Variants in CNTN6 observed in about 807,000 individuals in gnomAD.
The protein encoded by CNTN6 is contactin 6.
In CNTN6, 137 loss-of-function variants were observed where a neutral mutation model predicts 122.8. The observed-to-expected ratio is 1.12, with a 90% CI of 0.97 to 1.29. The LOEUF is 1.29. CNTN6 is among the 50% of genes most tolerant of loss of function. The pLI, the probability that CNTN6 is intolerant of heterozygous loss-of-function variation, is 0.00. For missense variants in CNTN6, 1,634 were observed against 1,223.4 expected, an observed-to-expected ratio of 1.34 and a Z score of -5.01; for synonymous variants, 570 against 426.0, an observed-to-expected ratio of 1.34 and a Z score of -4.16.
At chr3:1,184,705 AAATT>A (rs1559474041) in intron 2 of CNTN6, among the ~76,000 whole-genome samples, 2 of 152,170 alleles carry the variant, frequency 1.3e-5, no homozygotes, top group Non-Finnish European at 2.9e-5. Context: ...GGACATCTGA[AAATT>A]AATAATAACT....
chr3:1,287,335 T>C (rs139170060), intron 5 of CNTN6, among the ~76,000 whole-genome samples: 2 of 152,158 alleles, frequency 1.3e-5, no homozygotes, highest in African/African-American at 2.4e-5. Context: ...CCTCCTCCAA[T>C]TGTGGGAAAA....
At chr3:1,401,600 CAT>C (rs1695717876) in intron 21 of CNTN6, 55 bp downstream of exon 21, 2 of 1,188,360 alleles carry the variant, frequency 1.7e-6, no homozygotes, top group African/African-American at 3.1e-5. Flanking sequence ...AGGAATGAAA[CAT>C]GTGACACCCA....
chr3:1,280,735 G>A (rs9832247), intron 5 of CNTN6, among the ~76,000 whole-genome samples: 3,919 of 151,986 alleles, frequency 0.026, 181 homozygotes, highest in African/African-American at 0.09. Flanking sequence ...AAAGTGCTGG[G>A]ATTACAGGCA....
chr3:1,270,544 C>G (rs969889113), intron 4 of CNTN6, among the ~76,000 whole-genome samples: 1 of 151,964 alleles, frequency 6.6e-6, no homozygotes, highest in African/African-American at 2.4e-5. Flanking sequence ...TGCCGTAGGC[C>G]AAAACAAAAT....
At chr3:1,190,737 T>C (rs1055514893) in intron 2 of CNTN6, among the ~76,000 whole-genome samples, 5 of 152,182 alleles carry the variant, frequency 3.3e-5, no homozygotes, top group Admixed American at 6.5e-5. Flanking sequence ...CTATAAAATA[T>C]GCTCTTGACC....
At chr3:1,268,788 C>T (rs1369096558) in intron 4 of CNTN6, among the ~76,000 whole-genome samples, 1 of 151,712 alleles carries the variant, frequency 6.6e-6, no homozygotes, top group Non-Finnish European at 1.5e-5. Flanking sequence ...GTTACATCAT[C>T]CGACACTGAG....
intron 20 of CNTN6, among the ~76,000 whole-genome samples, chr3:1,398,828 C>A (rs1349324610): frequency 6.6e-6 from 1 of 152,084 alleles, no homozygotes; most frequent in East Asian, 1.9e-4. Flanking sequence ...GTAAAACATT[C>A]TAAATAATCT....
chr3:1,195,379 T>A (rs1269399127), intron 2 of CNTN6, among the ~76,000 whole-genome samples: 1 of 152,150 alleles, frequency 6.6e-6, no homozygotes, highest in Admixed American at 6.5e-5. Flanking sequence ...TCATGATACC[T>A]GAATAGTAAT....
At chr3:1,244,054 G>A (rs544989953) in intron 4 of CNTN6, among the ~76,000 whole-genome samples, 4 of 152,268 alleles carry the variant, frequency 2.6e-5, no homozygotes, top group Non-Finnish European at 5.9e-5. Context: ...AAATTATTTA[G>A]GTCTTGTAGG....
At chr3:1,300,149 A>AT (rs201089738) in intron 7 of CNTN6, among the ~76,000 whole-genome samples, 80 of 150,874 alleles carry the variant, frequency 5.3e-4, no homozygotes, top group African/African-American at 1.1e-3. Context: ...GCTAATTGTA[A>AT]TTTTTTTTTG....
At chr3:1,144,530 G>A (rs7647869) in intron 1 of CNTN6, among the ~76,000 whole-genome samples, 19,724 of 151,664 alleles carry the variant, frequency 0.13, 1,368 homozygotes, top group Middle Eastern at 0.16. Context: ...AGCCAAGATC[G>A]TGCCATTGTA....
At chr3:1,243,237 C>T (rs373704841) in intron 4 of CNTN6, among the ~76,000 whole-genome samples, 38 of 152,268 alleles carry the variant, frequency 2.5e-4, no homozygotes, top group African/African-American at 9.1e-4. Flanking sequence ...TGCGGGCATT[C>T]CTTGGCCTGG....
chr3:1,100,919 G>C (rs1309758613), intron 1 of CNTN6, among the ~76,000 whole-genome samples: 2 of 151,806 alleles, frequency 1.3e-5, no homozygotes, highest in Non-Finnish European at 2.9e-5. Flanking sequence ...ATGTCTGCTG[G>C]ATTTCCCTCA....
intron 7 of CNTN6, among the ~76,000 whole-genome samples, chr3:1,316,340 C>A (rs2125945255): frequency 6.6e-6 from 1 of 151,924 alleles, no homozygotes; most frequent in Middle Eastern, 3.4e-3. Context: ...CCTCAGGAAA[C>A]TTACAATCAT....
chr3:1,377,840 T>C (rs753701835), intron 17 of CNTN6, among the ~76,000 whole-genome samples: 10 of 152,158 alleles, frequency 6.6e-5, no homozygotes, highest in Non-Finnish European at 1.0e-4. Context: ...AAGGTCTGGA[T>C]TGCTGGTACA....
intron 12 of CNTN6, among the ~76,000 whole-genome samples, chr3:1,358,159 C>G (rs1706887467): frequency 1.3e-5 from 2 of 151,822 alleles, no homozygotes; most frequent in Non-Finnish European, 2.9e-5. Flanking sequence ...TATCCATCTC[C>G]TATTTTTATT....
rs202150931 is a variant in CNTN6 at position 1,158,824 on chromosome 3, A to G, written c.55+10761A>G. Among the ~76,000 whole-genome samples, 42 of 76,186 alleles carry G rather than the reference A, an allele frequency of 5.5e-4. 1 individual carries two copies. The highest frequency in any genetic ancestry group is 1.2e-3 in the African/African-American group (20 of 17,334). The allele number at this position is 76,186 out of a possible 152,430, so 50.0% of individuals were successfully genotyped here. ...TATACACACATATATATACACACAC[A>G]TATATATACACACACATATATATAC... is the stretch of plus-strand genomic sequence containing the variant. On this transcript the variant is annotated intron_variant, in intron 2 of 22. Coordinates refer to ENST00000446702, the MANE Select transcript of CNTN6 (RefSeq NM_001289080.2).
chr3:1,235,254 T>G (rs1009779938), intron 4 of CNTN6, among the ~76,000 whole-genome samples: 1 of 152,132 alleles, frequency 6.6e-6, no homozygotes, highest in Non-Finnish European at 1.5e-5. Flanking sequence ...ACTGGGAGTT[T>G]CTGATTTACA....
At chr3:1,098,059 GCA>G (rs1489226431) in intron 1 of CNTN6, among the ~76,000 whole-genome samples, 1 of 147,744 alleles carries the variant, frequency 6.8e-6, no homozygotes, top group Non-Finnish European at 1.5e-5. Context: ...TATACACCAA[GCA>G]ATTGGACATG....
Sources: gnomAD v4.1 joint callset for allele counts (sites outside exome capture counted in the v4.1 genomes callset) on GRCh38, gnomAD v4.1.1 for gene constraint, MANE v1.5 for transcripts, NCBI Gene and HGNC (gene_info 2026-07-23, HGNC 2026-07-21) for gene names.